KAZN: variants seen among roughly 807,000 people sequenced by gnomAD.
KAZN encodes kazrin.
A neutral mutation model predicts 87.4 loss-of-function variants in KAZN; 40 were observed. That is an observed-to-expected ratio of 0.46 (90% confidence interval 0.36 to 0.60). The LOEUF (loss-of-function observed/expected upper bound fraction) is 0.60, where lower values mean the gene tolerates loss of function less well. KAZN is among the 20% of genes least tolerant of loss of function. KAZN has a pLI of 0.00. For missense variants in KAZN, 898 were observed against 1,073.9 expected, an observed-to-expected ratio of 0.84 and a Z score of 2.29; for synonymous variants, 466 against 458.3, an observed-to-expected ratio of 1.02 and a Z score of -0.22.
chr1:14,571,576 T>C (rs1015220002), intron 2 of KAZN, among the ~76,000 whole-genome samples: 1 of 152,216 alleles, frequency 6.6e-6, no homozygotes, highest in Non-Finnish European at 1.5e-5. Flanking sequence ...TTGCAAGTGT[T>C]CTGGCAAATT....
intron 1 of KAZN, among the ~76,000 whole-genome samples, chr1:14,698,841 C>T (rs751078595): frequency 6.6e-6 from 1 of 152,228 alleles, no homozygotes; most frequent in Non-Finnish European, 1.5e-5. Flanking sequence ...AACCCCAAGT[C>T]TGGCAGGAAA....
At chr1:14,091,171 T>G (rs1045708613) in intron 1 of KAZN, among the ~76,000 whole-genome samples, 1 of 149,852 alleles carries the variant, frequency 6.7e-6, no homozygotes, top group Non-Finnish European at 1.5e-5. Flanking sequence ...ACCTGTGCAA[T>G]TCCCTCCTCT....
intron 2 of KAZN, among the ~76,000 whole-genome samples, chr1:14,528,337 C>CAAAAAAAA (rs33960231): frequency 1.0e-4 from 5 of 49,340 alleles, no homozygotes; most frequent in Admixed American, 3.4e-4. Context: ...GACTCCATCT[C>CAAAAAAAA]AAAAAAAAAA....
intron 2 of KAZN, among the ~76,000 whole-genome samples, chr1:14,193,904 G>A (rs1646473898): frequency 6.6e-6 from 1 of 152,090 alleles, no homozygotes; most frequent in South Asian, 2.1e-4. Context: ...AGCATTTGCT[G>A]TAGGTGGTAT....
At chr1:14,388,335 T>C (rs920641393) in intron 2 of KAZN, among the ~76,000 whole-genome samples, 2 of 152,156 alleles carry the variant, frequency 1.3e-5, no homozygotes, top group Non-Finnish European at 2.9e-5. Context: ...ATCTTGGCTC[T>C]TCCCCCCTAG....
chr1:15,065,032 T>TTC (rs1639116565), intron 7 of KAZN, among the ~76,000 whole-genome samples: 2 of 140,770 alleles, frequency 1.4e-5, no homozygotes, highest in African/African-American at 5.2e-5. Flanking sequence ...TCTTTCTTTT[T>TTC]TTTTTTTTTT....
chr1:14,813,866 G>A (rs10489353), intron 1 of KAZN, among the ~76,000 whole-genome samples: 37,428 of 152,174 alleles, frequency 0.25, 5,020 homozygotes, highest in African/African-American at 0.34. Context: ...AGAGGATGTA[G>A]AGCATTTGGG....
intron 1 of KAZN, among the ~76,000 whole-genome samples, chr1:14,166,163 A>G (rs1645822278): frequency 6.6e-6 from 1 of 152,154 alleles, no homozygotes; most frequent in Non-Finnish European, 1.5e-5. Context: ...AAAAATACAA[A>G]AATTAGCTGG....
Position 14,762,141 on chromosome 1 carries a change from A to G in KAZN, c.226+162918A>G, listed in dbSNP as rs539495874. Among the ~76,000 whole-genome samples the G allele has an allele frequency of 2.0e-5, 3 of 152,222 alleles. No individual in the cohort carries two copies. The East Asian group carries it at 5.8e-4, about 29-fold the overall frequency. ...AAGTGCTTTGGTAACCGCTCCTTTT[A>G]TTATGTCATACTTGAGGGCAGTGAT... On this transcript the variant is annotated intron_variant, in intron 1 of 14. Coordinates refer to ENST00000376030, the MANE Select transcript of KAZN (RefSeq NM_201628.3).
At chr1:14,755,696 G>A (rs1644542979) in intron 1 of KAZN, among the ~76,000 whole-genome samples, 1 of 150,814 alleles carries the variant, frequency 6.6e-6, no homozygotes, top group Non-Finnish European at 1.5e-5. Context: ...TCCTGGCCTG[G>A]ACACCCTCTG....
chr1:14,522,345 CA>C (rs1671632224), intron 2 of KAZN, among the ~76,000 whole-genome samples: 1 of 152,196 alleles, frequency 6.6e-6, no homozygotes, highest in Non-Finnish European at 1.5e-5. Context: ...TTGTTGCCTG[CA>C]AAAGTTTGCT....
intron 1 of KAZN, among the ~76,000 whole-genome samples, chr1:14,691,017 TATAGAG>T (rs1421695748): frequency 6.6e-6 from 1 of 152,240 alleles, no homozygotes; most frequent in Non-Finnish European, 1.5e-5. Context: ...ATCTCAGGTG[TATAGAG>T]ATAATTATGT....
chr1:14,972,125 C>G (rs183674063), intron 2 of KAZN, among the ~76,000 whole-genome samples: 1 of 152,326 alleles, frequency 6.6e-6, no homozygotes, highest in Non-Finnish European at 1.5e-5. Context: ...TGCGTCAAGC[C>G]AGGCTCTCCA....
chr1:14,427,633 GCA>G (rs901779727), intron 2 of KAZN, among the ~76,000 whole-genome samples: 1 of 119,774 alleles, frequency 8.3e-6, no homozygotes, highest in Non-Finnish European at 1.8e-5. Flanking sequence ...GTATATATGT[GCA>G]CACATGTTAG....
At chr1:14,409,488 A>G (rs965282429) in intron 2 of KAZN, among the ~76,000 whole-genome samples, 1 of 152,206 alleles carries the variant, frequency 6.6e-6, no homozygotes, top group South Asian at 2.1e-4. Flanking sequence ...AATTCATACC[A>G]AGAACTTGAT....
intron 1 of KAZN, among the ~76,000 whole-genome samples, chr1:14,015,996 G>A (rs1425241025): frequency 1.3e-5 from 2 of 152,048 alleles, no homozygotes; most frequent in African/African-American, 4.8e-5. Context: ...GGATTGTAGA[G>A]GCTTGTAACA....
At chr1:14,426,144 A>T (rs1665714802) in intron 2 of KAZN, among the ~76,000 whole-genome samples, 1 of 152,130 alleles carries the variant, frequency 6.6e-6, no homozygotes, top group African/African-American at 2.4e-5. Flanking sequence ...TTCCTCAGAC[A>T]CACCAAGCAC....
intron 2 of KAZN, among the ~76,000 whole-genome samples, chr1:14,523,997 G>GTTT: frequency 3.0e-5 from 1 of 33,806 alleles, no homozygotes; most frequent in Middle Eastern, 0.019. Context: ...CACTCGTTTT[G>GTTT]TTTTGTTTTG....
chr1:14,403,402 C>T (rs1046409734), intron 2 of KAZN, among the ~76,000 whole-genome samples: 44 of 136,702 alleles, frequency 3.2e-4, no homozygotes, highest in South Asian at 1.5e-3. Flanking sequence ...ACTCCCCAAA[C>T]GAAAAAAAAA....
Sources: allele counts gnomAD v4.1 joint callset (sites outside exome capture counted in the v4.1 genomes callset), GRCh38; gene constraint gnomAD v4.1.1; transcripts MANE v1.5; gene names NCBI Gene and HGNC (gene_info 2026-07-23, HGNC 2026-07-21).